Variants in CEP128 observed in about 807,000 individuals in gnomAD.
The protein encoded by CEP128 is centrosomal protein 128kDa.
Under a neutral mutation model 156.7 loss-of-function variants are expected in CEP128, and 132 were observed. That is an observed-to-expected ratio of 0.84 (90% CI 0.73 to 0.97). CEP128 has a LOEUF of 0.97. Ranked by LOEUF, CEP128 falls within the 50% of genes least tolerant of loss-of-function variation. The pLI is 0.00. For synonymous variants in CEP128, 469 were observed against 448.9 expected (o/e 1.04, Z -0.57); for missense variants, 1,252 against 1,281.9 (o/e 0.98, Z 0.36).
chr14:80,944,836 A>C (rs1391968291), upstream of CEP128, among the ~76,000 whole-genome samples: 1 of 115,930 alleles, frequency 8.6e-6, no homozygotes, highest in African/African-American at 3.7e-5. Context: ...AAAAAAAAAA[A>C]AAAAAAAAAA....
intron 21 of CEP128, among the ~76,000 whole-genome samples, chr14:80,544,771 G>T (rs1889911151): frequency 4.6e-5 from 7 of 151,922 alleles, no homozygotes; most frequent in Admixed American, 4.6e-4. Context: ...AGAAACAATT[G>T]ATGAATAATG....
At chr14:80,946,711 T>A (rs1195033468), upstream of CEP128, among the ~76,000 whole-genome samples, 3 of 151,898 alleles carry the variant, frequency 2.0e-5, no homozygotes, top group African/African-American at 7.3e-5. Context: ...CAGACAGAGG[T>A]AGTGCCGTTT....
downstream of CEP128, among the ~76,000 whole-genome samples, chr14:80,492,248 T>G (rs913347228): frequency 6.6e-6 from 1 of 152,246 alleles, no homozygotes; most frequent in Non-Finnish European, 1.5e-5. Flanking sequence ...ATATAAATAC[T>G]GTATTAAAAA....
chr14:80,617,607 C>T (rs1017609473), intron 19 of CEP128, among the ~76,000 whole-genome samples: 5 of 152,082 alleles, frequency 3.3e-5, no homozygotes, highest in Admixed American at 1.3e-4. Flanking sequence ...TTGTTGTAAG[C>T]ATTAAGTGGA....
chr14:80,936,021 G>C (rs1885788200), intron 2 of CEP128, among the ~76,000 whole-genome samples: 1 of 152,102 alleles, frequency 6.6e-6, no homozygotes, highest in Non-Finnish European at 1.5e-5. Flanking sequence ...TCAGTTCCAG[G>C]CTGTATTTTT....
rs1324311056 is a variant in CEP128, at chr14:80,497,221, G to A, written c.*258C>T. 2 of 266,724 alleles carry A rather than the reference G, an allele frequency of 7.5e-6. No homozygotes were observed. The highest frequency in any genetic ancestry group is 1.4e-4 in the East Asian group (2 of 14,420). 16.5% of individuals were successfully genotyped at this position (266,724 alleles called of 1,614,324 possible). A position where few individuals can be genotyped will look rare whatever the true frequency, so the allele number is the denominator to read the frequency against. On this transcript the variant is annotated 3_prime_UTR_variant, in exon 25 of 25. Coordinates refer to ENST00000555265, the MANE Select transcript of CEP128 (RefSeq NM_152446.5). ...CACACTTGAAAAAGGAAAATACAAA[G>A]TGAAAAAATATCATTCTTTCTGTGC...
chr14:80,804,496 T>C (rs1884059822), intron 13 of CEP128, among the ~76,000 whole-genome samples: 1 of 152,192 alleles, frequency 6.6e-6, no homozygotes, highest in African/African-American at 2.4e-5. Context: ...TCTATAATAC[T>C]GACCCTATGA....
chr14:80,616,908 G>A (rs546019832), intron 19 of CEP128, among the ~76,000 whole-genome samples: 1 of 152,274 alleles, frequency 6.6e-6, no homozygotes, highest in Non-Finnish European at 1.5e-5. Flanking sequence ...TATAATAAAA[G>A]TTCCCACTGT....
intron 16 of CEP128, among the ~76,000 whole-genome samples, chr14:80,773,019 G>A (rs1595376855): frequency 6.6e-6 from 1 of 152,304 alleles, no homozygotes; most frequent in South Asian, 2.1e-4. Flanking sequence ...CTCCATGTAC[G>A]GAGGTGATTA....
intron 7 of CEP128, among the ~76,000 whole-genome samples, chr14:80,896,872 C>G (rs1304902531): frequency 6.6e-6 from 1 of 152,196 alleles, no homozygotes; most frequent in African/African-American, 2.4e-5. Context: ...AGAGTGAATA[C>G]TTCCTGGGCC....
chr14:80,680,863 C>T (rs190005630), intron 19 of CEP128, among the ~76,000 whole-genome samples: 28 of 152,256 alleles, frequency 1.8e-4, no homozygotes, highest in Admixed American at 1.7e-3. Flanking sequence ...CAGGCCTACC[C>T]AGTGTGGCTC....
chr14:80,578,893 T>C (rs1891470686), intron 20 of CEP128, among the ~76,000 whole-genome samples: 1 of 152,224 alleles, frequency 6.6e-6, no homozygotes, highest in Admixed American at 6.5e-5. Flanking sequence ...TTAACTCTTC[T>C]GCTCTGGGAC....
At chr14:80,729,381 C>CAT (rs10680290) in intron 19 of CEP128, among the ~76,000 whole-genome samples, 73,259 of 150,662 alleles carry the variant, frequency 0.49, 18,131 homozygotes, top group East Asian at 0.73. Context: ...CTATGGTATA[C>CAT]ATATATATAT....
Position 80,793,024 on chromosome 14 carries a change from T to C in CEP128, c.1296A>G (p.Thr432=). Residue 432 remains threonine (T), a synonymous_variant, in exon 14 of 25, where the codon ACA becomes ACG. Coordinates refer to ENST00000555265, the MANE Select transcript of CEP128 (RefSeq NM_152446.5). ...CAGCATGCTTACGCTCGGCCTCACA[T>C]GTGTCAAAGTGATTCTGGATCTCCT... The part of the protein sequence containing the change: ...RLKEIQNHFD[T]CEAERKHADL... 1 of 1,614,218 alleles carries C rather than the reference T, an allele frequency of 6.2e-7. No homozygotes were observed. Among genetic ancestry groups the C allele is most frequent in the South Asian group, 1.1e-5 (1 of 91,092 alleles).
intron 9 of CEP128, among the ~76,000 whole-genome samples, chr14:80,847,766 G>T (rs150623360): frequency 9.8e-5 from 15 of 152,306 alleles, no homozygotes; most frequent in African/African-American, 3.4e-4. Context: ...TGCCCTTACT[G>T]CATTGCAAAG....
intron 13 of CEP128, among the ~76,000 whole-genome samples, chr14:80,828,082 C>A (rs1254685349): frequency 1.3e-5 from 2 of 150,714 alleles, no homozygotes; most frequent in Admixed American, 6.6e-5. Flanking sequence ...TTTCCTGAGT[C>A]TCTTTTTCTA....
At chr14:80,642,227 G>C (rs1356523535) in intron 19 of CEP128, among the ~76,000 whole-genome samples, 1 of 152,146 alleles carries the variant, frequency 6.6e-6, no homozygotes. Flanking sequence ...AGATGGAGGA[G>C]ACACGTAGAA....
intron 2 of CEP128, among the ~76,000 whole-genome samples, chr14:80,925,919 A>G (rs1002187503): frequency 7.9e-5 from 12 of 152,108 alleles, no homozygotes; most frequent in Admixed American, 5.9e-4. Flanking sequence ...CGCTGGTGCT[A>G]CTTAGTGAGC....
chr14:80,697,574 T>C (rs952596026), intron 19 of CEP128, among the ~76,000 whole-genome samples: 1 of 152,114 alleles, frequency 6.6e-6, no homozygotes, highest in African/African-American at 2.4e-5. Flanking sequence ...TTCTTTATTG[T>C]CTATATGTAC....
Sources: allele counts gnomAD v4.1 joint callset (sites outside exome capture counted in the v4.1 genomes callset), GRCh38; gene constraint gnomAD v4.1.1; transcripts MANE v1.5; gene names NCBI Gene and HGNC (gene_info 2026-07-23, HGNC 2026-07-21).